The following DRD3 variants were observed in gnomAD, a reference collection of about 807,000 sequenced individuals.
DRD3 encodes the protein D(3) dopamine receptor.
DRD3 carries 19 observed loss-of-function variants against 36.3 expected under a neutral mutation model. The observed-to-expected ratio is 0.52, with a 90% CI of 0.36 to 0.77. The LOEUF is 0.77. DRD3 is among the 30% of genes least tolerant of loss of function. The pLI, the probability that DRD3 is intolerant of heterozygous loss-of-function variation, is 0.00. For missense variants in DRD3, 465 were observed against 505.3 expected, an observed-to-expected ratio of 0.92 and a Z score of 0.77; for synonymous variants, 195 against 203.7, an observed-to-expected ratio of 0.96 and a Z score of 0.36.
rs376528097 is a variant in DRD3, at chr3:114,164,196, G to A, written c.271-4329C>T. On this transcript the variant is annotated intron_variant, in intron 2 of 6. Transcript: ENST00000383673. ...AAATCTCACCACTGCACTCCAGCCT[G>A]GGTGATAGAGCGAGCCTCAGTCTCA... 3.3e-5 allele frequency among the ~76,000 whole-genome samples: 4 copies of A among 121,094 alleles called. No individual in the cohort carries two copies. The East Asian group carries it at 7.1e-4, about 22-fold the overall frequency. 79.4% of individuals were successfully genotyped at this position (121,094 alleles called of 152,430 possible).
intron 2 of DRD3, among the ~76,000 whole-genome samples, chr3:114,162,804 G>A (rs988792115): frequency 2.0e-5 from 3 of 152,138 alleles, no homozygotes; most frequent in Non-Finnish European, 4.4e-5. Context: ...ATGGAAGTGG[G>A]TAGATACTAG....
chr3:114,172,284 T>A (rs1399763218), intron 1 of DRD3, among the ~76,000 whole-genome samples: 1 of 152,168 alleles, frequency 6.6e-6, no homozygotes, highest in Non-Finnish European at 1.5e-5. Context: ...TCAATAATGA[T>A]ACGTATATTG....
chr3:114,171,889 G>C lies in DRD3; in HGVS notation c.104C>G (p.Ser35Cys). Residue 35 changes from serine to cysteine, a missense_variant, in exon 2 of 7, where the codon TCC (serine) becomes TGC (cysteine). Physicochemically the swap from Ser to Cys is moderately radical, Grantham distance 112 (BLOSUM62 -1). Transcript: ENST00000383673. Reference sequence around the variant, plus strand: ...GATGGCCAGGATGAGCGCGCAGTAGGAGAGGGCATAGTAGGCATGTGGGCG... The same window carrying C: ...GATGGCCAGGATGAGCGCGCAGTAGCAGAGGGCATAGTAGGCATGTGGGCG... ...QARPHAYYAL[S>C]YCALILAIVF... 6.2e-7 allele frequency: 1 copy of C among 1,612,930 alleles called. No individual in the cohort carries two copies. Among genetic ancestry groups the C allele is most frequent in the Non-Finnish European group, 8.5e-7 (1 of 1,179,408 alleles).
At chr3:114,144,389 A>G (rs979469155) in intron 4 of DRD3, among the ~76,000 whole-genome samples, 1 of 152,192 alleles carries the variant, frequency 6.6e-6, no homozygotes, top group Non-Finnish European at 1.5e-5. Flanking sequence ...GATTTTCCAC[A>G]GAAGGTGTAG....
At chr3:114,141,181 G>A (rs975876461) in intron 4 of DRD3, among the ~76,000 whole-genome samples, 1 of 152,280 alleles carries the variant, frequency 6.6e-6, no homozygotes, top group Middle Eastern at 3.4e-3. Context: ...ACAGGCATGG[G>A]CCGCCATGCC....
Position 114,146,858 on chromosome 3 carries a change from C to T in DRD3, c.526+557G>A, listed in dbSNP as rs192183997. Among the ~76,000 whole-genome samples, 427 of 152,050 alleles carry T rather than the reference C, an allele frequency of 2.8e-3. 1 individual carries two copies. Among genetic ancestry groups the T allele is most frequent in the Non-Finnish European group, 3.6e-3 (243 of 67,970 alleles). ...ATATATTGTCCATCCATCCATCCAC[C>T]CAGGAGATGTACCATGTGCCAACCA... On this transcript the variant is annotated intron_variant, in intron 4 of 6. Transcript: ENST00000383673.
At chr3:114,164,220 C>CAAAAAAAAAAAAAAAAAAAA (rs34500434) in intron 2 of DRD3, among the ~76,000 whole-genome samples, 1 of 17,776 alleles carries the variant, frequency 5.6e-5, no homozygotes, top group African/African-American at 1.2e-4. Context: ...GCCTCAGTCT[C>CAAAAAAAAAAAAAAAAAAAA]AAAAAAAAAA....
intron 3 of DRD3, among the ~76,000 whole-genome samples, chr3:114,157,975 G>T (rs1160415866): frequency 6.6e-6 from 1 of 152,114 alleles, no homozygotes; most frequent in Non-Finnish European, 1.5e-5. Context: ...GGTGGCTCAT[G>T]CCTGTAATCC....
chr3:114,137,418 C>T (rs1398848234), intron 5 of DRD3, among the ~76,000 whole-genome samples: 1 of 152,322 alleles, frequency 6.6e-6, no homozygotes, highest in East Asian at 1.9e-4. Context: ...ACTTTCATAT[C>T]CTCAGCCTTG....
intron 2 of DRD3, among the ~76,000 whole-genome samples, chr3:114,165,469 A>T (rs1294174572): frequency 6.6e-6 from 1 of 152,070 alleles, no homozygotes; most frequent in Non-Finnish European, 1.5e-5. Context: ...TTAAGAAAAA[A>T]AATCTGTGAT....
chr3:114,179,603 C>T (rs548735472), upstream of DRD3, among the ~76,000 whole-genome samples: 6 of 152,240 alleles, frequency 3.9e-5, 1 homozygote, highest in South Asian at 1.2e-3. Flanking sequence ...AGCAGTAGAA[C>T]ATAAACAATC....
chr3:114,177,747 A>C (rs1232792155), intron 1 of DRD3, among the ~76,000 whole-genome samples: 1 of 152,194 alleles, frequency 6.6e-6, no homozygotes, highest in Non-Finnish European at 1.5e-5. Flanking sequence ...AAAATATTCA[A>C]CTACAAATAA....
intron 4 of DRD3, among the ~76,000 whole-genome samples, chr3:114,141,839 C>G (rs1471884690): frequency 1.3e-5 from 2 of 151,958 alleles, no homozygotes; most frequent in Admixed American, 6.6e-5. Context: ...ATCACAAGGT[C>G]AGGAGTTCGA....
At chr3:114,156,769 T>TTC (rs1184293620) in intron 3 of DRD3, among the ~76,000 whole-genome samples, 3 of 122,074 alleles carry the variant, frequency 2.5e-5, no homozygotes, top group East Asian at 4.8e-4. Context: ...CTTTCTTTCT[T>TTC]TCTTTCTTTC....
intron 1 of DRD3, among the ~76,000 whole-genome samples, chr3:114,178,370 C>G (rs1357941327): frequency 6.6e-6 from 1 of 152,100 alleles, no homozygotes; most frequent in Non-Finnish European, 1.5e-5. Flanking sequence ...GAAATAATAA[C>G]AGCTTTTTGT....
intron 1 of DRD3, among the ~76,000 whole-genome samples, chr3:114,195,923 G>C (rs2078033804): frequency 6.6e-6 from 1 of 152,144 alleles, no homozygotes; most frequent in Non-Finnish European, 1.5e-5. Context: ...TAAAATATAG[G>C]AGACATCCAC....
chr3:114,156,664 G>A (rs888120243), intron 3 of DRD3, among the ~76,000 whole-genome samples: 1 of 151,932 alleles, frequency 6.6e-6, no homozygotes, highest in Non-Finnish European at 1.5e-5. Context: ...ATAAAAGTTA[G>A]AATTACCTCC....
At chr3:114,180,364 G>A (rs376536901), upstream of DRD3, among the ~76,000 whole-genome samples, 68 of 152,120 alleles carry the variant, frequency 4.5e-4, no homozygotes, top group African/African-American at 1.6e-3. Context: ...GACTGTATTT[G>A]GATGTAAGAT....
intron 1 of DRD3, among the ~76,000 whole-genome samples, chr3:114,188,951 A>G (rs915110441): frequency 2.0e-5 from 3 of 152,250 alleles, no homozygotes; most frequent in Non-Finnish European, 2.9e-5. Flanking sequence ...AGAATAATAT[A>G]GCAGCATTAC....
Sources: allele counts gnomAD v4.1 joint callset (sites outside exome capture counted in the v4.1 genomes callset), GRCh38; gene constraint gnomAD v4.1.1; transcripts MANE v1.5; gene names NCBI Gene and HGNC (gene_info 2026-07-23, HGNC 2026-07-21).